The following TMEM236 variants were observed in gnomAD, a reference collection of about 807,000 sequenced individuals.
The protein encoded by TMEM236 is family with sequence similarity 23, member A.
Under a neutral mutation model 14.7 loss-of-function variants are expected in TMEM236, and 11 were observed. That is an observed-to-expected ratio of 0.75 (90% confidence interval 0.47 to 1.24). The LOEUF (loss-of-function observed/expected upper bound fraction) is 1.24. Among genes scored for constraint, TMEM236 ranks in the 50% most tolerant of loss-of-function variants. The pLI is 0.00. For synonymous variants in TMEM236, 182 were observed against 168.6 expected, an observed-to-expected ratio of 1.08 and a Z score of -0.62; for missense variants, 464 against 427.3, an observed-to-expected ratio of 1.09 and a Z score of -0.76.
At chr10:17,764,891 G>T (rs1837436911) in intron 1 of TMEM236, among the ~76,000 whole-genome samples, 1 of 146,916 alleles carries the variant, frequency 6.8e-6, no homozygotes, top group African/African-American at 2.5e-5. Context: ...GGAGTGCAGT[G>T]GTGCGATCTT....
rs1037388959 is a variant in TMEM236, at chr10:17,797,227, T to C, written c.*723T>C. Reference sequence around the variant, plus strand: ...TATCTTTTATATAGATAGCATTATATGAATTGATTGATTAAATTTAGTTTT... The same window carrying C: ...TATCTTTTATATAGATAGCATTATACGAATTGATTGATTAAATTTAGTTTT... On this transcript the variant is annotated 3_prime_UTR_variant, in exon 4 of 4. Transcript: ENST00000377495. 1 of 152,134 alleles carries C rather than the reference T, an allele frequency of 6.6e-6. No homozygotes were observed. The highest frequency in any genetic ancestry group is 1.5e-5 in the Non-Finnish European group (1 of 68,036). The allele number at this position is 152,134 out of a possible 1,614,324, so 9.4% of individuals were successfully genotyped here.
rs1837654115 is a variant in TMEM236, at chr10:17,776,059, G to C, written c.361G>C (p.Val121Leu). Residue 121 changes from valine (V) to leucine (L), a missense_variant, in exon 3 of 4, where the codon GTC becomes CTC. Val to Leu is a conservative substitution (Grantham distance 32, BLOSUM62 1). Coordinates refer to ENST00000377495, the MANE Select transcript of TMEM236 (RefSeq NM_001098844.3). ...AAAGAGCATTAATGGGTCCGCTGAT[G>C]TCTTACCTGATATGTTACCTGACCT... ...VQKSINGSADVLPDMLPDLPV... is the reference protein window; with the variant it reads ...VQKSINGSADLLPDMLPDLPV... The C allele has an allele frequency of 1.2e-6, 2 of 1,613,870 alleles. No individual in the cohort carries two copies. Among genetic ancestry groups the C allele is most frequent in the East Asian group, 4.5e-5 (2 of 44,852 alleles).
chr10:17,782,997 G>A (rs1011585583), intron 3 of TMEM236, among the ~76,000 whole-genome samples: 33 of 152,144 alleles, frequency 2.2e-4, no homozygotes, highest in African/African-American at 7.0e-4. Flanking sequence ...GACAAGTCAT[G>A]GTTAAAGCAC....
At chr10:17,772,226 G>A (rs1195412123) in intron 2 of TMEM236, among the ~76,000 whole-genome samples, 6 of 152,316 alleles carry the variant, frequency 3.9e-5, no homozygotes, top group African/African-American at 1.2e-4. Context: ...AGACAGGGCA[G>A]TACCGAGTAA....
At chr10:17,795,085 G>A (rs1044244555) in intron 3 of TMEM236, among the ~76,000 whole-genome samples, 13 of 152,194 alleles carry the variant, frequency 8.5e-5, no homozygotes, top group African/African-American at 2.6e-4. Flanking sequence ...CAAACTTCAC[G>A]CCTGGAGATC....
rs983682976 is a variant in TMEM236, at chr10:17,795,284, T to C, written c.473-637T>C. On this transcript the variant is annotated intron_variant, in intron 3 of 3. Coordinates refer to ENST00000377495, the MANE Select transcript of TMEM236 (RefSeq NM_001098844.3). ...AGCCATAAAGTTAAGAGTTTGTCAA[T>C]TGGAGTCAAACAAATCTAGGTGTGA... Among the ~76,000 whole-genome samples the C allele has an allele frequency of 3.5e-4, 54 of 152,318 alleles. 1 individual carries two copies. The Middle Eastern group carries it at 0.01, about 29-fold the overall frequency.
At chr10:17,766,226 CA>C (rs1473651262) in intron 1 of TMEM236, among the ~76,000 whole-genome samples, 2 of 152,188 alleles carry the variant, frequency 1.3e-5, no homozygotes, top group African/African-American at 4.8e-5. Context: ...GTGCCTTCAA[CA>C]CTTTGCTTAG....
rs142466279 is a variant in TMEM236 at position 17,796,654 on chromosome 10, G to GT, written c.*161dup. 209,855 of 520,102 alleles carry GT rather than the reference G, an allele frequency of 0.4. 14,535 individuals carry two copies. The highest frequency in any genetic ancestry group is 0.43 in the African/African-American group (22,026 of 51,264). The allele number at this position is 520,102 out of a possible 1,614,324, so 32.2% of individuals were successfully genotyped here. ...CATTTTTACTAACTCTAGCATATCA[G>GT]TTTTTTTTTTTACATATACAAATGG... On this transcript the variant is annotated 3_prime_UTR_variant, in exon 4 of 4. Transcript: ENST00000377495.
At chr10:17,767,769 C>T (rs1554834443) in intron 1 of TMEM236, among the ~76,000 whole-genome samples, 1 of 152,168 alleles carries the variant, frequency 6.6e-6, no homozygotes, top group Non-Finnish European at 1.5e-5. Flanking sequence ...AACTTTATTA[C>T]ATAGAGCTTT....
chr10:17,800,160 G>A lies in TMEM236; in HGVS notation c.*3656G>A, dbSNP rs1301832287. ...TGAATCAGAATTGCTTGAACCCGGAGGGCAGAGGTTGCAGTGAGCTGAGAT... is the reference window on the plus strand; with the variant it reads ...TGAATCAGAATTGCTTGAACCCGGAAGGCAGAGGTTGCAGTGAGCTGAGAT... On this transcript the variant is annotated 3_prime_UTR_variant, in exon 4 of 4. Coordinates refer to ENST00000377495, the MANE Select transcript of TMEM236 (RefSeq NM_001098844.3). 2 of 151,374 alleles carry A rather than the reference G, an allele frequency of 1.3e-5. No homozygotes were observed. The highest frequency in any genetic ancestry group is 2.9e-5 in the Non-Finnish European group (2 of 67,918). The allele number at this position is 151,374 out of a possible 1,614,324, so 9.4% of individuals were successfully genotyped here.
chr10:17,753,423 G>A (rs1216736410), intron 1 of TMEM236, among the ~76,000 whole-genome samples: 2 of 151,966 alleles, frequency 1.3e-5, no homozygotes, highest in Non-Finnish European at 2.9e-5. Context: ...GGAAGGCCCC[G>A]GTGTGTGTTG....
rs542560635 is a variant in TMEM236 at position 17,776,132 on chromosome 10, A to G, written c.434A>G (p.Glu145Gly). 3.9e-5 allele frequency: 63 copies of G among 1,613,698 alleles called. 1 individual carries two copies. In the South Asian group the frequency reaches 6.7e-4, roughly 17 times the overall value. Residue 145 changes from glutamate (E) to glycine (G), a missense_variant, in exon 3 of 4, where the codon GAA becomes GGA. Coordinates refer to ENST00000377495, the MANE Select transcript of TMEM236 (RefSeq NM_001098844.3). Reference protein sequence around the residue: ...LLSLIMVDIIEKLRIYPLRGS... With the variant: ...LLSLIMVDIIGKLRIYPLRGS... ...TCCCTGATCATGGTTGATATTATTG[A>G]AAAACTCAGGATATATCCTCTTAGA...
intron 3 of TMEM236, among the ~76,000 whole-genome samples, chr10:17,783,589 C>T (rs1245008020): frequency 1.3e-5 from 2 of 152,288 alleles, no homozygotes; most frequent in East Asian, 3.9e-4. Flanking sequence ...GCATAGATGG[C>T]TATTTCCTTA....
chr10:17,758,399 A>C (rs1195550429), intron 1 of TMEM236, among the ~76,000 whole-genome samples: 1 of 152,174 alleles, frequency 6.6e-6, no homozygotes, highest in Non-Finnish European at 1.5e-5. Flanking sequence ...TCAGTCAGTA[A>C]ATGGTGTGCC....
At chr10:17,779,701 G>A (rs1467684280) in intron 3 of TMEM236, among the ~76,000 whole-genome samples, 3 of 152,114 alleles carry the variant, frequency 2.0e-5, no homozygotes, top group South Asian at 4.2e-4. Flanking sequence ...ATGAGCCACC[G>A]TGTCCACCTG....
At chr10:17,770,624 C>T (rs1485304396) in intron 1 of TMEM236, among the ~76,000 whole-genome samples, 2 of 152,194 alleles carry the variant, frequency 1.3e-5, no homozygotes, top group African/African-American at 4.8e-5. Context: ...ACCTCGTGAT[C>T]CACCTGCCTT....
At chr10:17,777,740 G>GT (rs1177598117) in intron 3 of TMEM236, among the ~76,000 whole-genome samples, 4 of 151,436 alleles carry the variant, frequency 2.6e-5, no homozygotes, top group African/African-American at 7.3e-5. Flanking sequence ...GTGATGAGTT[G>GT]TTTTTTTGTT....
intron 3 of TMEM236, among the ~76,000 whole-genome samples, chr10:17,786,668 G>T (rs957868512): frequency 6.6e-6 from 1 of 152,164 alleles, no homozygotes; most frequent in Non-Finnish European, 1.5e-5. Flanking sequence ...GTGCATAGGT[G>T]GGGGGACTGG....
Position 17,796,536 on chromosome 10 carries a change from T to A in TMEM236, c.*32T>A. Reference sequence around the variant, plus strand: ...AATGGGATCTAGTAAGGCCTCTTTGTGATACCTGTGTGCACATTTGTAATC... The same window carrying A: ...AATGGGATCTAGTAAGGCCTCTTTGAGATACCTGTGTGCACATTTGTAATC... On this transcript the variant is annotated 3_prime_UTR_variant, in exon 4 of 4. Coordinates refer to ENST00000377495, the MANE Select transcript of TMEM236 (RefSeq NM_001098844.3). 6.5e-7 allele frequency: 1 copy of A among 1,530,090 alleles called. No homozygotes were observed. Among genetic ancestry groups the A allele is most frequent in the Non-Finnish European group, 9.1e-7 (1 of 1,103,840 alleles). The allele number at this position is 1,530,090 out of a possible 1,614,324, so 94.8% of individuals were successfully genotyped here. A position where few individuals can be genotyped will look rare whatever the true frequency, so the allele number is the denominator to read the frequency against.
Sources: allele counts gnomAD v4.1 joint callset (sites outside exome capture counted in the v4.1 genomes callset), GRCh38; gene constraint gnomAD v4.1.1; transcripts MANE v1.5; gene names NCBI Gene and HGNC (gene_info 2026-07-23, HGNC 2026-07-21).